The following CARMIL1 variants were observed in gnomAD, a reference collection of about 807,000 sequenced individuals.
CARMIL1 encodes the protein F-actin-uncapping protein LRRC16A.
A neutral mutation model predicts 177.1 loss-of-function variants in CARMIL1; 90 were observed. The ratio of observed to expected loss-of-function variants is 0.51; its 90% CI spans 0.43 to 0.61. The LOEUF is 0.61. CARMIL1 is among the 20% of genes least tolerant of loss of function. The pLI, the probability that CARMIL1 is intolerant of heterozygous loss-of-function variation, is 0.00. For missense variants in CARMIL1, 1,380 were observed against 1,667.0 expected (o/e 0.83, Z 3.00); for synonymous variants, 577 against 606.2 (o/e 0.95, Z 0.71).
chr6:25,574,929 AATG>A (rs1812448564), intron 29 of CARMIL1, among the ~76,000 whole-genome samples: 1 of 152,236 alleles, frequency 6.6e-6, no homozygotes, highest in Admixed American at 6.5e-5. Flanking sequence ...GAATTTTAAA[AATG>A]ATATTAACCT....
In CARMIL1 at chr6:25,472,470, A is replaced by C. The variant is rs1276934574; in HGVS notation, c.823A>C (p.Asn275His). Residue 275 changes from asparagine (N) to histidine (H), a missense_variant, in exon 11 of 37, where the codon AAC becomes CAC. Coordinates refer to ENST00000329474, the MANE Select transcript of CARMIL1 (RefSeq NM_017640.6). ...KLASALAHNP[N>H]SGLHTINLAG... The stretch of plus-strand genomic sequence containing the variant: ...GGCCAGTGCTCTAGCACATAATCCC[A>C]ACTCAGGACTCCACACAATTAACCT... 14 of 1,584,002 alleles carry C rather than the reference A, an allele frequency of 8.8e-6. No homozygotes were observed. Among genetic ancestry groups the C allele is most frequent in the Non-Finnish European group, 1.2e-5 (14 of 1,164,274 alleles).
chr6:25,358,422 G>A (rs1314038249), intron 2 of CARMIL1, among the ~76,000 whole-genome samples: 1 of 152,132 alleles, frequency 6.6e-6, no homozygotes, highest in South Asian at 2.1e-4. Context: ...ATACAGGTAG[G>A]AGAAGCATTA....
rs1276288136 is a variant in CARMIL1 at position 25,489,209 on chromosome 6, G to A, written c.1065+624G>A. Among the ~76,000 whole-genome samples, 68 of 151,870 alleles carry A rather than the reference G, an allele frequency of 4.5e-4. 1 individual carries two copies. The highest frequency in any genetic ancestry group is 1.5e-5 in the Non-Finnish European group (1 of 67,980). On this transcript the variant is annotated intron_variant, in intron 13 of 36. Coordinates refer to ENST00000329474, the MANE Select transcript of CARMIL1 (RefSeq NM_017640.6). ...AACAACAAAAACCCATTAGCTTACA[G>A]GTTAAAATTGCCTGGTAAGGAAGAT... is the stretch of plus-strand genomic sequence containing the variant.
chr6:25,322,801 CCTT>C (rs1784790515), intron 2 of CARMIL1, among the ~76,000 whole-genome samples: 1 of 152,158 alleles, frequency 6.6e-6, no homozygotes, highest in Non-Finnish European at 1.5e-5. Flanking sequence ...CTTTGCCCCT[CCTT>C]CTCAATATTC....
chr6:25,498,175 G>A (rs373206725), intron 16 of CARMIL1, among the ~76,000 whole-genome samples: 14 of 152,148 alleles, frequency 9.2e-5, no homozygotes, highest in African/African-American at 2.9e-4. Context: ...CATCTTTCTG[G>A]CTGAGTATTT....
intron 2 of CARMIL1, among the ~76,000 whole-genome samples, chr6:25,318,901 T>G (rs545255093): frequency 6.6e-6 from 1 of 152,312 alleles, no homozygotes; most frequent in East Asian, 1.9e-4. Context: ...TGAAATGCTC[T>G]TTTTCTTTGG....
rs1302358420 is a variant in CARMIL1 at position 25,528,795 on chromosome 6, A to G, written c.1969A>G (p.Ile657Val). The G allele has an allele frequency of 6.3e-6, 10 of 1,595,310 alleles. No individual in the cohort carries two copies. The highest frequency in any genetic ancestry group is 6.8e-6 in the Non-Finnish European group (8 of 1,168,892). The part of the protein sequence containing the change: ...PEKTEDALQK[I>V]ENYLLRNHET... ...AGGGATGCCTGTGCTTTATTTCCAG[A>G]TAGAAAACTACCTGCTACGAAATCA... The change falls in exon 24 of 37, where the codon ATA (isoleucine) becomes GTA (valine). Residue 657 changes from isoleucine to valine, a missense_variant and splice_region_variant. By Grantham distance (29) the Ile-to-Val change is conservative. Coordinates refer to ENST00000329474, the MANE Select transcript of CARMIL1 (RefSeq NM_017640.6).
At chr6:25,354,764 C>T (rs948690259) in intron 2 of CARMIL1, among the ~76,000 whole-genome samples, 2 of 152,178 alleles carry the variant, frequency 1.3e-5, no homozygotes, top group East Asian at 1.9e-4. Flanking sequence ...CTGACCTCAT[C>T]GAAGACTTTT....
At chr6:25,517,492 A>G in intron 22 of CARMIL1, 77 bp downstream of exon 22, 1 of 1,126,470 alleles carries the variant, frequency 8.9e-7, no homozygotes, top group Non-Finnish European at 1.3e-6. Flanking sequence ...CTGTTGGGTA[A>G]TAGAATCAAC....
At position 25,441,320 on chromosome 6, in the gene CARMIL1, C is replaced by CAT. The variant is rs199573016; in HGVS notation, c.371+5733_371+5734dup. 6.6e-3 allele frequency among the ~76,000 whole-genome samples: 659 copies of CAT among 99,628 alleles called. 5 individuals carry two copies. The highest frequency in any genetic ancestry group is 0.037 in the Middle Eastern group (8 of 218). 65.4% of individuals were successfully genotyped at this position (99,628 alleles called of 152,430 possible). A position where few individuals can be genotyped will look rare whatever the true frequency, so the allele number is the denominator to read the frequency against. On this transcript the variant is annotated intron_variant, in intron 5 of 36. Coordinates refer to ENST00000329474, the MANE Select transcript of CARMIL1 (RefSeq NM_017640.6). The stretch of plus-strand genomic sequence containing the variant: ...ATCTCAAAACAAACAAACAAACAAA[C>CAT]ATATATATATATATATATGTGTGTG...
chr6:25,288,816 C>T (rs1487927335), intron 2 of CARMIL1, among the ~76,000 whole-genome samples: 1 of 152,108 alleles, frequency 6.6e-6, no homozygotes, highest in East Asian at 1.9e-4. Context: ...ATCTAAAATT[C>T]CTAAGGTATG....
At chr6:25,580,895 GT>G in intron 29 of CARMIL1, 28 bp from the exon 30 acceptor site, 1 of 1,536,098 alleles carries the variant, frequency 6.5e-7, no homozygotes, top group Non-Finnish European at 8.9e-7. Flanking sequence ...CTACCTAAGT[GT>G]TTTTTTAAAT....
chr6:25,473,293 T>C (rs1801243489), intron 11 of CARMIL1, among the ~76,000 whole-genome samples: 1 of 152,160 alleles, frequency 6.6e-6, no homozygotes, highest in South Asian at 2.1e-4. Context: ...CTGTTGACCC[T>C]TGAACGACAC....
intron 8 of CARMIL1, among the ~76,000 whole-genome samples, chr6:25,465,071 CAAAAAAAAAA>C (rs558022196): frequency 1.6e-5 from 1 of 62,022 alleles, no homozygotes; most frequent in Non-Finnish European, 3.4e-5. Context: ...AGAACTAAAG[CAAAAAAAAAA>C]AAAAAAAAAA....
At chr6:25,445,238 A>G (rs530180535) in intron 5 of CARMIL1, among the ~76,000 whole-genome samples, 4 of 152,340 alleles carry the variant, frequency 2.6e-5, no homozygotes, top group African/African-American at 9.6e-5. Context: ...GATTACAACA[A>G]TTCATTCACA....
At chr6:25,618,945 C>T (rs1759510513) in intron 36 of CARMIL1, among the ~76,000 whole-genome samples, 1 of 152,202 alleles carries the variant, frequency 6.6e-6, no homozygotes, top group Admixed American at 6.5e-5. Context: ...GAGGCCTTTG[C>T]TGATATCCTG....
chr6:25,501,784 G>A (rs983685593), intron 17 of CARMIL1, among the ~76,000 whole-genome samples: 1 of 151,970 alleles, frequency 6.6e-6, no homozygotes, highest in South Asian at 2.1e-4. Context: ...AAAATGCCAG[G>A]CACCAAGCCA....
intron 5 of CARMIL1, among the ~76,000 whole-genome samples, chr6:25,437,301 C>T (rs1237548010): frequency 1.6e-4 from 24 of 152,184 alleles, no homozygotes; most frequent in Admixed American, 1.6e-3. Flanking sequence ...TATCTAGAAT[C>T]TCTATTTTCT....
chr6:25,494,375 G>A (rs1803497999), intron 15 of CARMIL1, among the ~76,000 whole-genome samples: 1 of 152,068 alleles, frequency 6.6e-6, no homozygotes, highest in African/African-American at 2.4e-5. Flanking sequence ...AACAGAACAA[G>A]CACAGTGTTC....
Sources: gnomAD v4.1 joint callset for allele counts (sites outside exome capture counted in the v4.1 genomes callset) on GRCh38, gnomAD v4.1.1 for gene constraint, MANE v1.5 for transcripts, NCBI Gene and HGNC (gene_info 2026-07-23, HGNC 2026-07-21) for gene names.